SVIL: variants seen among roughly 807,000 people sequenced by gnomAD.
SVIL encodes the protein archvillin.
Under a neutral mutation model 240.4 loss-of-function variants are expected in SVIL, and 101 were observed. The observed-to-expected ratio is 0.42, with a 90% CI of 0.36 to 0.50. The LOEUF (loss-of-function observed/expected upper bound fraction) is 0.50. Ranked by LOEUF, SVIL falls within the 20% of genes least tolerant of loss-of-function variation. SVIL has a pLI of 0.01. For missense variants in SVIL, 2,512 were observed against 2,818.7 expected, an observed-to-expected ratio of 0.89 and a Z score of 2.46; for synonymous variants, 999 against 1,100.0, an observed-to-expected ratio of 0.91 and a Z score of 1.82.
At chr10:29,468,508 T>C (rs1249993951) in intron 32 of SVIL, among the ~76,000 whole-genome samples, 1 of 152,068 alleles carries the variant, frequency 6.6e-6, no homozygotes, top group Non-Finnish European at 1.5e-5. Context: ...TTTGAGAAAT[T>C]GCTAGACTGT....
intron 16 of SVIL, among the ~76,000 whole-genome samples, chr10:29,516,678 A>T (rs963581054): frequency 1.6e-4 from 24 of 152,254 alleles, no homozygotes; most frequent in East Asian, 3.9e-4. Flanking sequence ...GGCAGTGGCT[A>T]GGCCTGGGCT....
Position 29,594,459 on chromosome 10 carries a change from G to A in SVIL, c.-200-25147C>T, listed in dbSNP as rs190235985. ...TCAGTGTAGGCTCATCAATTGTAGCGTATGTACCACTCTAGTGGGGGATGT... is the reference window on the plus strand; with the variant it reads ...TCAGTGTAGGCTCATCAATTGTAGCATATGTACCACTCTAGTGGGGGATGT... On this transcript the variant is annotated intron_variant, in intron 1 of 37. Transcript: ENST00000355867. Among the ~76,000 whole-genome samples, 493 of 152,216 alleles carry A rather than the reference G, an allele frequency of 3.2e-3. 1 individual carries two copies. The highest frequency in any genetic ancestry group is 5.4e-3 in the Non-Finnish European group (364 of 67,998).
intron 1 of SVIL, among the ~76,000 whole-genome samples, chr10:29,696,676 C>T (rs1423585113): frequency 1.2e-4 from 18 of 150,756 alleles, no homozygotes; most frequent in African/African-American, 4.1e-4. Flanking sequence ...TGTCTCTGCC[C>T]GGCCGCCCCG....
intron 2 of SVIL, among the ~76,000 whole-genome samples, chr10:29,667,528 T>C (rs1959404002): frequency 6.6e-6 from 1 of 152,090 alleles, no homozygotes; most frequent in African/African-American, 2.4e-5. Context: ...CTTGATTATG[T>C]CGGTGGCTAC....
At chr10:29,550,490 C>G in intron 6 of SVIL, 107 bp downstream of exon 6, 1 of 1,240,432 alleles carries the variant, frequency 8.1e-7, no homozygotes. Flanking sequence ...CTCCAATAAG[C>G]CTTGACTTCC....
At chr10:29,730,423 A>T (rs527340046) in intron 1 of SVIL, among the ~76,000 whole-genome samples, 2 of 152,254 alleles carry the variant, frequency 1.3e-5, no homozygotes, top group East Asian at 3.9e-4. Context: ...TCTTAGTTCT[A>T]ATCTTAGCGC....
chr10:29,619,183 C>T (rs927765078), intron 1 of SVIL, among the ~76,000 whole-genome samples: 14 of 152,186 alleles, frequency 9.2e-5, no homozygotes, highest in African/African-American at 7.2e-5. Context: ...TTCCCCCAGT[C>T]ATCCACGTTT....
intron 29 of SVIL, among the ~76,000 whole-genome samples, chr10:29,479,670 A>G (rs1187757971): frequency 6.6e-6 from 1 of 152,220 alleles, no homozygotes; most frequent in Non-Finnish European, 1.5e-5. Context: ...TGCATCTTGT[A>G]TAAATCAGGA....
rs956410196 is a variant in SVIL, at chr10:29,532,958, T to C, written c.1409A>G (p.Asp470Gly). The change falls in exon 8 of 38, where the codon GAT becomes GGT. Residue 470 changes from aspartate (D) to glycine (G), a missense_variant. Transcript: ENST00000355867. ...ACCAAAGTCCTCATTTCTAGAGGGATCTTCTGGGCTTCTCACTAGCCCATC... is the reference window on the plus strand; with the variant it reads ...ACCAAAGTCCTCATTTCTAGAGGGACCTTCTGGGCTTCTCACTAGCCCATC... ...EGDGLVRSPE[D>G]PSRNEDFGKP... The C allele has an allele frequency of 3.7e-6, 6 of 1,614,176 alleles. No homozygotes were observed. Among genetic ancestry groups the C allele is most frequent in the Non-Finnish European group, 5.1e-6 (6 of 1,180,032 alleles).
chr10:29,668,769 C>A (rs1477397530), intron 2 of SVIL, among the ~76,000 whole-genome samples: 1 of 152,178 alleles, frequency 6.6e-6, no homozygotes, highest in African/African-American at 2.4e-5. Context: ...TCACTGCGCC[C>A]AGCCAAATCT....
chr10:29,600,454 T>A (rs887685263), intron 1 of SVIL, among the ~76,000 whole-genome samples: 1 of 152,142 alleles, frequency 6.6e-6, no homozygotes, highest in Non-Finnish European at 1.5e-5. Context: ...CATGGGAATT[T>A]TTTTAAAGTT....
At chr10:29,695,722 C>T (rs1201684017) in intron 1 of SVIL, among the ~76,000 whole-genome samples, 5 of 151,828 alleles carry the variant, frequency 3.3e-5, no homozygotes, top group Non-Finnish European at 5.9e-5. Context: ...CCAGCCTGGG[C>T]GACAGAGCAA....
intron 6 of SVIL, among the ~76,000 whole-genome samples, chr10:29,538,063 G>C (rs1345699418): frequency 2.6e-5 from 4 of 152,368 alleles, no homozygotes; most frequent in Non-Finnish European, 5.9e-5. Context: ...CAGAGGGCAA[G>C]AGGGGCCAGC....
intron 36 of SVIL, among the ~76,000 whole-genome samples, chr10:29,460,609 G>A (rs529899901): frequency 2.0e-5 from 3 of 152,104 alleles, no homozygotes; most frequent in Non-Finnish European, 4.4e-5. Context: ...CAACCATCAG[G>A]CATCTCCAAT....
intron 1 of SVIL, among the ~76,000 whole-genome samples, chr10:29,695,081 T>G (rs1045299377): frequency 2.0e-5 from 3 of 151,976 alleles, no homozygotes; most frequent in Non-Finnish European, 4.4e-5. Flanking sequence ...CTGCTTGAGG[T>G]CAAGAGAGAC....
intron 1 of SVIL, among the ~76,000 whole-genome samples, chr10:29,578,207 C>T (rs1955787624): frequency 6.6e-6 from 1 of 152,228 alleles, no homozygotes; most frequent in Non-Finnish European, 1.5e-5. Context: ...TCTCTCACAA[C>T]TCAGAGATAA....
chr10:29,672,461 A>T (rs1169231920), intron 2 of SVIL, among the ~76,000 whole-genome samples: 1 of 152,192 alleles, frequency 6.6e-6, no homozygotes, highest in Non-Finnish European at 1.5e-5. Context: ...GCGACAGAGC[A>T]AGATCCTGTC....
intron 2 of SVIL, among the ~76,000 whole-genome samples, chr10:29,673,698 A>T (rs953052028): frequency 1.3e-5 from 2 of 152,030 alleles, no homozygotes; most frequent in Non-Finnish European, 2.9e-5. Context: ...GCATGGGGGA[A>T]ACCGCCTCCA....
intron 35 of SVIL, 109 bp downstream of exon 35, chr10:29,463,382 GA>G (rs1944495944): frequency 7.3e-7 from 1 of 1,372,300 alleles, no homozygotes; most frequent in Admixed American, 3.0e-5. Flanking sequence ...AGGCTTTATG[GA>G]TGGATGCTGG....
Sources: gnomAD v4.1 joint callset for allele counts (sites outside exome capture counted in the v4.1 genomes callset) on GRCh38, gnomAD v4.1.1 for gene constraint, MANE v1.5 for transcripts, NCBI Gene and HGNC (gene_info 2026-07-23, HGNC 2026-07-21) for gene names.